The following CFAP299 variants were observed in gnomAD, a reference collection of about 807,000 sequenced individuals.
The protein encoded by CFAP299 is cilia- and flagella-associated protein 299.
Under a neutral mutation model 27.0 loss-of-function variants are expected in CFAP299, and 21 were observed. The observed-to-expected ratio is 0.78, with a 90% confidence interval of 0.55 to 1.12. The LOEUF is 1.12. CFAP299 is among the 50% of genes most tolerant of loss of function. CFAP299 has a pLI of 0.00. For synonymous variants in CFAP299, 104 were observed against 98.1 expected (o/e 1.06, Z -0.36); for missense variants, 310 against 276.6 (o/e 1.12, Z -0.86).
intron 2 of CFAP299, among the ~76,000 whole-genome samples, chr4:80,503,277 G>C (rs1000679557): frequency 1.7e-4 from 26 of 151,774 alleles, no homozygotes; most frequent in Non-Finnish European, 1.3e-4. Flanking sequence ...ACCTATTTTG[G>C]TACATATATT....
intron 2 of CFAP299, among the ~76,000 whole-genome samples, chr4:80,479,395 A>G (rs1423102625): frequency 2.0e-5 from 3 of 152,048 alleles, no homozygotes; most frequent in African/African-American, 7.2e-5. Context: ...TATAGCTTTT[A>G]TGGCATATAA....
chr4:80,734,995 C>T (rs35620054), intron 3 of CFAP299, among the ~76,000 whole-genome samples: 52,537 of 152,016 alleles, frequency 0.35, 11,411 homozygotes, highest in African/African-American at 0.61. Flanking sequence ...AAAAATGTCA[C>T]TGGTATTTTG....
rs551869794 is a variant in CFAP299, at chr4:80,706,379, C to A, written c.333+123196C>A. Reference sequence around the variant, plus strand: ...CACTTATATTAAATCTTGGCCTATCCAGCTAGAATAAACTTCAAAGTTTCA... The same window carrying A: ...CACTTATATTAAATCTTGGCCTATCAAGCTAGAATAAACTTCAAAGTTTCA... On this transcript the variant is annotated intron_variant, in intron 3 of 5. Transcript: ENST00000358105. 4.6e-5 allele frequency among the ~76,000 whole-genome samples: 7 copies of A among 151,638 alleles called. No homozygotes were observed. In the South Asian group the frequency reaches 1.5e-3, roughly 32 times the overall value.
rs150691197 is a variant in CFAP299 at position 80,638,901 on chromosome 4, A to G, written c.333+55718A>G. 1.7e-3 allele frequency among the ~76,000 whole-genome samples: 255 copies of G among 152,254 alleles called. 1 individual carries two copies. Among genetic ancestry groups the G allele is most frequent in the Non-Finnish European group, 2.6e-3 (175 of 68,020 alleles). On this transcript the variant is annotated intron_variant, in intron 3 of 5. Transcript: ENST00000358105. ...ATTTTCTCACATTTCCAGAGGCTGAACGTTTGAGATGAGCGAGTGTGGTAG... is the reference window on the plus strand; with the variant it reads ...ATTTTCTCACATTTCCAGAGGCTGAGCGTTTGAGATGAGCGAGTGTGGTAG...
chr4:80,396,308 A>G (rs1308511872), intron 2 of CFAP299, among the ~76,000 whole-genome samples: 1 of 152,146 alleles, frequency 6.6e-6, no homozygotes, highest in African/African-American at 2.4e-5. Context: ...GAGATGCGTA[A>G]ACAGAATTTC....
upstream of CFAP299, among the ~76,000 whole-genome samples, chr4:80,333,980 T>G (rs1200128782): frequency 6.6e-6 from 1 of 152,228 alleles, no homozygotes; most frequent in Admixed American, 6.5e-5. Flanking sequence ...AATTGAGTTA[T>G]ACGCACTATT....
intron 3 of CFAP299, among the ~76,000 whole-genome samples, chr4:80,705,415 A>G (rs1418262878): frequency 6.6e-6 from 1 of 151,892 alleles, no homozygotes; most frequent in Non-Finnish European, 1.5e-5. Context: ...AAATAAACGT[A>G]TAAGCTAGCC....
chr4:80,586,719 C>G (rs1736462087), intron 3 of CFAP299, among the ~76,000 whole-genome samples: 3 of 150,734 alleles, frequency 2.0e-5, no homozygotes, highest in African/African-American at 7.5e-5. Flanking sequence ...CTAAGAATCC[C>G]TGATTTGTTG....
At chr4:80,775,164 C>T (rs116548328) in intron 3 of CFAP299, among the ~76,000 whole-genome samples, 208 of 150,832 alleles carry the variant, frequency 1.4e-3, no homozygotes, top group Middle Eastern at 7.0e-3. Context: ...AGACATAAAC[C>T]TATATATAAA....
intron 4 of CFAP299, among the ~76,000 whole-genome samples, chr4:80,923,002 A>G (rs1228037547): frequency 6.6e-6 from 1 of 151,962 alleles, no homozygotes; most frequent in Non-Finnish European, 1.5e-5. Flanking sequence ...ACTGTAGGTC[A>G]ATATGTGCTA....
chr4:80,688,167 T>C (rs1720358319), intron 3 of CFAP299, among the ~76,000 whole-genome samples: 1 of 152,256 alleles, frequency 6.6e-6, no homozygotes, highest in African/African-American at 2.4e-5. Context: ...GCCGGGAAGC[T>C]CGAACAGAGT....
At chr4:80,526,086 G>A (rs186941446) in intron 2 of CFAP299, among the ~76,000 whole-genome samples, 2 of 152,232 alleles carry the variant, frequency 1.3e-5, no homozygotes, top group East Asian at 3.9e-4. Flanking sequence ...AGTGAAAACA[G>A]TACATACATG....
intron 2 of CFAP299, among the ~76,000 whole-genome samples, chr4:80,501,785 T>C (rs1347481727): frequency 6.6e-6 from 1 of 151,696 alleles, no homozygotes; most frequent in Non-Finnish European, 1.5e-5. Context: ...GTAAACATTA[T>C]AATAGGGAAA....
At chr4:80,727,657 C>T (rs982502359) in intron 3 of CFAP299, among the ~76,000 whole-genome samples, 3 of 151,960 alleles carry the variant, frequency 2.0e-5, no homozygotes, top group Non-Finnish European at 4.4e-5. Context: ...AAAATACTGT[C>T]ATTTACTTGT....
intron 3 of CFAP299, among the ~76,000 whole-genome samples, chr4:80,826,621 A>G (rs752683332): frequency 1.3e-5 from 2 of 151,846 alleles, no homozygotes; most frequent in Admixed American, 6.6e-5. Flanking sequence ...TAATAGTTCA[A>G]TGCCCCACAC....
rs193197343 is a variant in CFAP299 at position 80,684,424 on chromosome 4, C to T, written c.333+101241C>T. Among the ~76,000 whole-genome samples the T allele has an allele frequency of 2.6e-3, 394 of 152,092 alleles. 2 individuals carry two copies. Among genetic ancestry groups the T allele is most frequent in the African/African-American group, 9.1e-3 (376 of 41,476 alleles). On this transcript the variant is annotated intron_variant, in intron 3 of 5. Coordinates refer to ENST00000358105, the MANE Select transcript of CFAP299 (RefSeq NM_152770.3). ...GACTATAGGCGCCTGCTACCACGCC[C>T]GACTAATTTTTTGTATTTTTTTAGT...
chr4:80,851,314 G>A (rs1030647141), intron 3 of CFAP299, among the ~76,000 whole-genome samples: 1 of 152,066 alleles, frequency 6.6e-6, no homozygotes, highest in Non-Finnish European at 1.5e-5. Context: ...CATCTACTAT[G>A]AGCTAGGCAC....
chr4:80,600,266 T>C (rs903988969), intron 3 of CFAP299, among the ~76,000 whole-genome samples: 6 of 152,146 alleles, frequency 3.9e-5, no homozygotes, highest in African/African-American at 1.4e-4. Flanking sequence ...TATTATCTGA[T>C]ATAACTAGTC....
intron 3 of CFAP299, among the ~76,000 whole-genome samples, chr4:80,677,636 C>T (rs192295251): frequency 1.3e-4 from 19 of 151,860 alleles, no homozygotes; most frequent in East Asian, 3.9e-4. Flanking sequence ...TTGGCATTGA[C>T]GGAAAAAATA....
Sources: gnomAD v4.1 joint callset for allele counts (sites outside exome capture counted in the v4.1 genomes callset) on GRCh38, gnomAD v4.1.1 for gene constraint, MANE v1.5 for transcripts, NCBI Gene and HGNC (gene_info 2026-07-23, HGNC 2026-07-21) for gene names.